The following DCSTAMP variants were observed in gnomAD, a reference collection of about 807,000 sequenced individuals.
DCSTAMP encodes the protein dendritic cell-specific transmembrane protein.
In DCSTAMP, 25 loss-of-function variants were observed where a neutral mutation model predicts 33.8. The ratio of observed to expected loss-of-function variants is 0.74; its 90% CI spans 0.54 to 1.03. DCSTAMP has a LOEUF of 1.03. Among genes scored for constraint, DCSTAMP ranks in the 50% least tolerant of loss-of-function variants. The pLI is 0.00. For synonymous variants in DCSTAMP, 245 were observed against 216.7 expected, an observed-to-expected ratio of 1.13 and a Z score of -1.15; for missense variants, 531 against 556.8, an observed-to-expected ratio of 0.95 and a Z score of 0.47.
intron 1 of DCSTAMP, among the ~76,000 whole-genome samples, chr8:104,347,762 G>T (rs983588020): frequency 6.6e-5 from 10 of 152,122 alleles, no homozygotes; most frequent in African/African-American, 1.2e-4. Flanking sequence ...GGTATAATAG[G>T]CTCAAAAATG....
At chr8:104,352,820 T>G (rs1004774961) in intron 2 of DCSTAMP, among the ~76,000 whole-genome samples, 17 of 152,124 alleles carry the variant, frequency 1.1e-4, no homozygotes, top group African/African-American at 3.4e-4. Context: ...ACGAGACTGC[T>G]GTGGGAGCGC....
chr8:104,349,419 A>G lies in DCSTAMP; in HGVS notation c.867A>G (p.Glu289=), dbSNP rs779858996. The change falls in exon 2 of 4, where the codon GAA becomes GAG. Residue 289 remains glutamate (E), a synonymous_variant. Coordinates refer to ENST00000297581, the MANE Select transcript of DCSTAMP (RefSeq NM_030788.4). ...CGACTTTCTGGCCGACTCCTAAAGA[A>G]AGGAAAAACCTGGGGCTGTTTTTCC... ...IIPTFWPTPK[E]RKNLGLFFLP... is the part of the protein sequence containing the mutation. 3.7e-6 allele frequency: 6 copies of G among 1,614,086 alleles called. No homozygotes were observed. The African/African-American group carries it at 8.0e-5, about 22-fold the overall frequency.
chr8:104,345,835 A>G (rs1269177790), intron 1 of DCSTAMP, among the ~76,000 whole-genome samples: 1 of 152,254 alleles, frequency 6.6e-6, no homozygotes, highest in Non-Finnish European at 1.5e-5. Context: ...AGTTTGAGAG[A>G]TATCCTTACA....
intron 2 of DCSTAMP, among the ~76,000 whole-genome samples, chr8:104,352,601 GA>G (rs894729976): frequency 7.5e-5 from 11 of 146,964 alleles, no homozygotes; most frequent in South Asian, 4.3e-4. Flanking sequence ...AGATAGAGGG[GA>G]AAAAAAAAAG....
At chr8:104,354,316 GC>G (rs1164806827) in intron 2 of DCSTAMP, among the ~76,000 whole-genome samples, 1 of 152,116 alleles carries the variant, frequency 6.6e-6, no homozygotes, top group Non-Finnish European at 1.5e-5. Flanking sequence ...ATAATTTAAT[GC>G]CTCAACATCT....
chr8:104,353,118 A>T (rs1038935920), intron 2 of DCSTAMP, among the ~76,000 whole-genome samples: 1 of 152,232 alleles, frequency 6.6e-6, no homozygotes, highest in African/African-American at 2.4e-5. Flanking sequence ...GTGAGTAAAA[A>T]TAGCCAGAGT....
intron 1 of DCSTAMP, among the ~76,000 whole-genome samples, chr8:104,345,899 C>T (rs1022114669): frequency 1.3e-5 from 2 of 152,204 alleles, no homozygotes; most frequent in African/African-American, 4.8e-5. Context: ...TGGAAATGGG[C>T]TTGTGATATA....
At position 104,356,133 on chromosome 8, in the gene DCSTAMP, T is replaced by C; in HGVS notation, c.1348T>C (p.Trp450Arg). The change falls in exon 4 of 4, where the codon TGG becomes CGG. Residue 450 changes from tryptophan (W) to arginine (R), a missense_variant. By Grantham distance (101) the Trp-to-Arg change is moderately radical. Coordinates refer to ENST00000297581, the MANE Select transcript of DCSTAMP (RefSeq NM_030788.4). ...LSLYLTKIHF[W>R]LPVLKMIRKK... ...TTTTCTGTCTCTTCAGATTCATTTC[T>C]GGCTTCCAGTCCTGAAAATGATTAG... The C allele has an allele frequency of 1.3e-5, 21 of 1,611,274 alleles. No homozygotes were observed. Among genetic ancestry groups the C allele is most frequent in the Non-Finnish European group, 1.7e-5 (20 of 1,178,842 alleles).
At chr8:104,352,071 G>T (rs1810476626) in intron 2 of DCSTAMP, among the ~76,000 whole-genome samples, 1 of 152,194 alleles carries the variant, frequency 6.6e-6, no homozygotes, top group African/African-American at 2.4e-5. Context: ...AATAGGCTGT[G>T]CCAGCTGCTG....
chr8:104,344,564 T>C (rs984873159), intron 1 of DCSTAMP, among the ~76,000 whole-genome samples: 4 of 152,102 alleles, frequency 2.6e-5, no homozygotes, highest in African/African-American at 9.7e-5. Flanking sequence ...ACCTGGGAAA[T>C]TGTTAGGAAT....
At chr8:104,347,156 G>C (rs1269831478) in intron 1 of DCSTAMP, among the ~76,000 whole-genome samples, 4 of 152,200 alleles carry the variant, frequency 2.6e-5, no homozygotes, top group Non-Finnish European at 5.9e-5. Context: ...AAATCTGTGT[G>C]ACTGATGGCG....
chr8:104,352,331 C>G (rs868475267), intron 2 of DCSTAMP, among the ~76,000 whole-genome samples: 4 of 152,110 alleles, frequency 2.6e-5, no homozygotes, highest in African/African-American at 4.8e-5. Context: ...TACAAGGCAC[C>G]CTGTTGCTCT....
chr8:104,356,118 C>T lies in DCSTAMP; in HGVS notation c.1339-6C>T, dbSNP rs1284946673. On this transcript the variant is annotated splice_region_variant and splice_polypyrimidine_tract_variant and intron_variant, in intron 3 of 3. Coordinates refer to ENST00000297581, the MANE Select transcript of DCSTAMP (RefSeq NM_030788.4). ...TGCCCATTTATCCACTTTTCTGTCT[C>T]TTCAGATTCATTTCTGGCTTCCAGT... is the stretch of plus-strand genomic sequence containing the variant. 1.2e-6 allele frequency: 2 copies of T among 1,609,110 alleles called. No individual in the cohort carries two copies. Among genetic ancestry groups the T allele is most frequent in the Non-Finnish European group, 1.7e-6 (2 of 1,178,038 alleles).
chr8:104,356,144 C>G lies in DCSTAMP; in HGVS notation c.1359C>G (p.Val453=). The G allele has an allele frequency of 1.2e-6, 2 of 1,611,742 alleles. No individual in the cohort carries two copies. Among genetic ancestry groups the G allele is most frequent in the Non-Finnish European group, 1.7e-6 (2 of 1,179,008 alleles). Residue 453 remains valine, a synonymous_variant, in exon 4 of 4, where the codon GTC becomes GTG. Transcript: ENST00000297581. ...TTCAGATTCATTTCTGGCTTCCAGT[C>G]CTGAAAATGATTAGGAAGAAGCAAA... ...YLTKIHFWLP[V]LKMIRKKQMD...
Position 104,348,684 on chromosome 8 carries a change from G to A in DCSTAMP, c.132G>A (p.Val44=). The A allele has an allele frequency of 6.2e-7, 1 of 1,614,148 alleles. No homozygotes were observed. Among genetic ancestry groups the A allele is most frequent in the Non-Finnish European group, 8.5e-7 (1 of 1,180,032 alleles). Residue 44 remains valine (V), a synonymous_variant, in exon 2 of 4, where the codon GTG becomes GTA. Transcript: ENST00000297581. ...GCTGTTTGGTTGCTCTTATTTCAGT[G>A]GGCCTCCTGTCTGTGGCCGCCTGCT... ...GVCCLVALIS[V]GLLSVAACWF...
Position 104,349,400 on chromosome 8 carries a change from T to C in DCSTAMP, c.848T>C (p.Phe283Ser), listed in dbSNP as rs1249394652. ...AGGAAGTATGTCATCATCCCGACTTTCTGGCCGACTCCTAAAGAAAGGAAA... is the reference window on the plus strand; with the variant it reads ...AGGAAGTATGTCATCATCCCGACTTCCTGGCCGACTCCTAAAGAAAGGAAA... ...ERRKYVIIPT[F>S]WPTPKERKNL... The change falls in exon 2 of 4, where the codon TTC (phenylalanine) becomes TCC (serine). Residue 283 changes from phenylalanine to serine, a missense_variant. Physicochemically the swap from Phe to Ser is radical, Grantham distance 155. Transcript: ENST00000297581. 4 of 1,614,222 alleles carry C rather than the reference T, an allele frequency of 2.5e-6. No homozygotes were observed. Among genetic ancestry groups the C allele is most frequent in the Non-Finnish European group, 3.4e-6 (4 of 1,180,042 alleles).
rs764146607 is a variant in DCSTAMP, at chr8:104,348,931, T to A, written c.379T>A (p.Cys127Ser). The A allele has an allele frequency of 6.2e-7, 1 of 1,614,254 alleles. No homozygotes were observed. The highest frequency in any genetic ancestry group is 2.2e-5 in the East Asian group (1 of 44,888). ...TAAAGGTCTCCTAGATGGTATGACT[T>A]GCAACCTAAGGGCAAAGAGCTTTTC... ...NFKGLLDGMT[C>S]NLRAKSFSIH... The change falls in exon 2 of 4, where the codon TGC (cysteine) becomes AGC (serine). Residue 127 changes from cysteine (C) to serine (S), a missense_variant. Physicochemically the swap from Cys to Ser is moderately radical, Grantham distance 112 (BLOSUM62 -1). Coordinates refer to ENST00000297581, the MANE Select transcript of DCSTAMP (RefSeq NM_030788.4).
chr8:104,347,269 T>G (rs900421951), intron 1 of DCSTAMP, among the ~76,000 whole-genome samples: 7 of 152,202 alleles, frequency 4.6e-5, no homozygotes, highest in African/African-American at 1.7e-4. Context: ...CTTTTCTTTG[T>G]AAGATTCTCA....
chr8:104,351,922 G>C (rs1810473132), intron 2 of DCSTAMP, among the ~76,000 whole-genome samples: 1 of 152,050 alleles, frequency 6.6e-6, no homozygotes, highest in Admixed American at 6.5e-5. Context: ...AACACCAACA[G>C]CTGTTTCTTT....
Sources: gnomAD v4.1 joint callset for allele counts (sites outside exome capture counted in the v4.1 genomes callset) on GRCh38, gnomAD v4.1.1 for gene constraint, MANE v1.5 for transcripts, NCBI Gene and HGNC (gene_info 2026-07-23, HGNC 2026-07-21) for gene names.